Variants in TENM3 observed in about 807,000 individuals in gnomAD.
TENM3 encodes the protein teneurin transmembrane protein 3, also known as teneurin-3.
Under a neutral mutation model 255.1 loss-of-function variants are expected in TENM3, and 63 were observed. That is an observed-to-expected ratio of 0.25 (90% CI 0.20 to 0.30). The LOEUF (loss-of-function observed/expected upper bound fraction) is 0.30. Ranked by LOEUF, TENM3 falls within the 10% of genes least tolerant of loss-of-function variation. The probability of loss-of-function intolerance (pLI) is 1.00; values close to 1 mark genes in which losing one functional copy is unlikely to be tolerated. For synonymous variants in TENM3, 1,306 were observed against 1,322.3 expected (o/e 0.99, Z 0.27); for missense variants, 2,929 against 3,461.1 (o/e 0.85, Z 3.86).
chr4:182,373,062 T>C (rs1223583325), intron 3 of TENM3, among the ~76,000 whole-genome samples: 1 of 152,202 alleles, frequency 6.6e-6, no homozygotes, highest in African/African-American at 2.4e-5. Flanking sequence ...TTAAGTTAGA[T>C]ATTATTTTCT....
chr4:181,561,947 C>T, the TENM3 span, among the ~76,000 whole-genome samples: 3 of 152,120 alleles, frequency 2.0e-5, no homozygotes, highest in African/African-American at 4.8e-5. Context: ...TGGATCCTTG[C>T]GAATTGTGGG....
At chr4:182,155,879 T>A (rs1750669633) in intron 1 of TENM3, among the ~76,000 whole-genome samples, 1 of 152,190 alleles carries the variant, frequency 6.6e-6, no homozygotes, top group African/African-American at 2.4e-5. Context: ...GTAATACAGA[T>A]TAAGGATTTT....
the TENM3 span, among the ~76,000 whole-genome samples, chr4:181,837,999 G>A: frequency 2.0e-5 from 3 of 152,058 alleles, no homozygotes; most frequent in South Asian, 4.1e-4. Flanking sequence ...TTACCTGGGC[G>A]TTGTGGTGCA....
At chr4:182,127,935 A>G in the TENM3 span, among the ~76,000 whole-genome samples, 1 of 152,206 alleles carries the variant, frequency 6.6e-6, no homozygotes. Context: ...AGAATTAAAT[A>G]TAAATTCAGC....
In TENM3 at chr4:182,600,897, CTTTT is replaced by C. The variant is rs548783934; in HGVS notation, c.512-7_512-4del. The stretch of plus-strand genomic sequence containing the variant: ...TATATATATATAATGAGTTCTCTTT[CTTTT>C]TTTTTTTTTTTTTTTTTTTCAGAGC... On this transcript the variant is annotated intron_variant, in intron 3 of 27. Coordinates refer to ENST00000511685, the MANE Select transcript of TENM3 (RefSeq NM_001080477.4). 8.0e-3 allele frequency: 3,941 copies of C among 491,420 alleles called. 1 individual carries two copies. Among genetic ancestry groups the C allele is most frequent in the East Asian group, 0.014 (310 of 22,484 alleles). The allele number at this position is 491,420 out of a possible 1,614,324, so 30.4% of individuals were successfully genotyped here. A position where few individuals can be genotyped will look rare whatever the true frequency, so the allele number is the denominator to read the frequency against.
At chr4:181,966,574 G>A in the TENM3 span, among the ~76,000 whole-genome samples, 1 of 152,110 alleles carries the variant, frequency 6.6e-6, no homozygotes, top group Non-Finnish European at 1.5e-5. Context: ...AATAAAATGC[G>A]AGCTGAAATC....
chr4:181,527,837 C>T, the TENM3 span, among the ~76,000 whole-genome samples: 1 of 151,146 alleles, frequency 6.6e-6, no homozygotes, highest in South Asian at 2.1e-4. Flanking sequence ...TATGTACACA[C>T]ATTTGACATT....
chr4:181,883,124 A>ATTTTTTTTTTTTTTTTTT, the TENM3 span, among the ~76,000 whole-genome samples: 1 of 48,506 alleles, frequency 2.1e-5, no homozygotes, highest in Non-Finnish European at 4.9e-5. Flanking sequence ...TTTGCAATTA[A>ATTTTTTTTTTTTTTTTTT]TCTTTTTTTT....
chr4:181,566,046 C>T, the TENM3 span, among the ~76,000 whole-genome samples: 1 of 152,044 alleles, frequency 6.6e-6, no homozygotes, highest in Non-Finnish European at 1.5e-5. Context: ...CAGAGTCCAA[C>T]TATTTCCACA....
chr4:182,213,489 A>G (rs1306632155), intron 1 of TENM3, among the ~76,000 whole-genome samples: 1 of 152,212 alleles, frequency 6.6e-6, no homozygotes, highest in East Asian at 1.9e-4. Context: ...CCTTTCCATA[A>G]TTCATAACAA....
At chr4:182,032,014 T>A in the TENM3 span, among the ~76,000 whole-genome samples, 1 of 152,210 alleles carries the variant, frequency 6.6e-6, no homozygotes, top group Non-Finnish European at 1.5e-5. Context: ...ACAGTTTGAC[T>A]TCCCCTCTTC....
At chr4:182,347,240 TCTTGGACCATGTCAC>T (rs1764887930) in intron 3 of TENM3, among the ~76,000 whole-genome samples, 1 of 152,210 alleles carries the variant, frequency 6.6e-6, no homozygotes, top group Non-Finnish European at 1.5e-5. Flanking sequence ...CTTTGACTTC[TCTTGGACCATGTCAC>T]CTGTTGTCTT....
the TENM3 span, among the ~76,000 whole-genome samples, chr4:181,455,037 AC>A: frequency 2.0e-5 from 3 of 152,192 alleles, no homozygotes; most frequent in South Asian, 6.2e-4. Context: ...GGAACAAGTA[AC>A]CTTATTGAAT....
chr4:182,130,462 G>A, the TENM3 span, among the ~76,000 whole-genome samples: 4 of 152,060 alleles, frequency 2.6e-5, no homozygotes, highest in African/African-American at 9.7e-5. Flanking sequence ...CAAAAACATT[G>A]TACTATGTGT....
At chr4:182,656,855 C>G (rs762081530) in intron 6 of TENM3, among the ~76,000 whole-genome samples, 7 of 152,104 alleles carry the variant, frequency 4.6e-5, no homozygotes, top group Non-Finnish European at 1.0e-4. Context: ...TATTTAGTAT[C>G]TAAAAGAAGG....
chr4:182,777,563 T>G (rs1258573262), intron 24 of TENM3, among the ~76,000 whole-genome samples: 1 of 126,478 alleles, frequency 7.9e-6, no homozygotes, highest in African/African-American at 3.1e-5. Context: ...TTTTTTTTTT[T>G]TTTTTTTTTT....
chr4:182,475,275 G>A (rs1019621199), intron 3 of TENM3, among the ~76,000 whole-genome samples: 1 of 151,970 alleles, frequency 6.6e-6, no homozygotes, highest in African/African-American at 2.4e-5. Flanking sequence ...TTTGAAAGTT[G>A]GTTATTTTTT....
chr4:182,600,498 T>G (rs1181887248), intron 3 of TENM3, among the ~76,000 whole-genome samples: 1 of 152,198 alleles, frequency 6.6e-6, no homozygotes, highest in Non-Finnish European at 1.5e-5. Context: ...TAAATAATTA[T>G]AGGGATTATA....
At chr4:182,450,123 A>G (rs963374058) in intron 3 of TENM3, among the ~76,000 whole-genome samples, 2 of 152,218 alleles carry the variant, frequency 1.3e-5, no homozygotes, top group Non-Finnish European at 2.9e-5. Flanking sequence ...CCCTTCCACT[A>G]AAGTGGAAAT....
Sources: gnomAD v4.1 joint callset for allele counts (sites outside exome capture counted in the v4.1 genomes callset) on GRCh38, gnomAD v4.1.1 for gene constraint, MANE v1.5 for transcripts, NCBI Gene and HGNC (gene_info 2026-07-23, HGNC 2026-07-21) for gene names.